The following PTPRT variants were observed in gnomAD, a reference collection of about 807,000 sequenced individuals.
PTPRT encodes receptor-type tyrosine-protein phosphatase T.
PTPRT carries 56 observed loss-of-function variants against 176.8 expected under a neutral mutation model. The observed-to-expected ratio is 0.32, with a 90% CI of 0.26 to 0.40. PTPRT has a LOEUF of 0.40. PTPRT is among the 10% of genes least tolerant of loss of function. PTPRT has a pLI of 1.00. For missense variants in PTPRT, 1,540 were observed against 1,908.2 expected, an observed-to-expected ratio of 0.81 and a Z score of 3.60; for synonymous variants, 783 against 739.0, an observed-to-expected ratio of 1.06 and a Z score of -0.96.
chr20:42,035,158 A>T, the PTPRT span, among the ~76,000 whole-genome samples: 1 of 152,148 alleles, frequency 6.6e-6, no homozygotes, highest in African/African-American at 2.4e-5. Context: ...ATTTTCATTC[A>T]TCATTTCCCC....
intron 8 of PTPRT, among the ~76,000 whole-genome samples, chr20:42,463,897 A>G (rs1367540703): frequency 6.6e-6 from 1 of 152,180 alleles, no homozygotes; most frequent in Non-Finnish European, 1.5e-5. Flanking sequence ...GAGAAAATAC[A>G]TTTGTTCCAG....
chr20:43,158,979 C>T lies in PTPRT; in HGVS notation c.88+30667G>A, dbSNP rs148706655. 3.3e-3 allele frequency among the ~76,000 whole-genome samples: 502 copies of T among 152,222 alleles called. 5 individuals are homozygous for T. The highest frequency in any genetic ancestry group is 0.011 in the African/African-American group (467 of 41,534). ...AATCAGCAAAATGACTGTTTTGTTG[C>T]CATTATTATTAGCATTTGACTTAAG... On this transcript the variant is annotated intron_variant, in intron 1 of 30. Coordinates refer to ENST00000373187, the MANE Select transcript of PTPRT (RefSeq NM_007050.6).
chr20:42,779,713 C>T (rs1254172159), intron 4 of PTPRT, among the ~76,000 whole-genome samples: 1 of 152,144 alleles, frequency 6.6e-6, no homozygotes, highest in Non-Finnish European at 1.5e-5. Context: ...AAGTACTAAC[C>T]ACTATGAGAA....
At chr20:43,041,453 A>G (rs184721341) in intron 1 of PTPRT, among the ~76,000 whole-genome samples, 24 of 152,364 alleles carry the variant, frequency 1.6e-4, no homozygotes, top group Admixed American at 1.5e-3. Context: ...CTCCATCTAC[A>G]TCACAGGACT....
chr20:42,274,186 G>T (rs1258164256), intron 13 of PTPRT, among the ~76,000 whole-genome samples: 5 of 152,240 alleles, frequency 3.3e-5, no homozygotes, highest in African/African-American at 9.6e-5. Context: ...TTGGGCTGTT[G>T]TCATGTGACT....
chr20:42,311,415 T>A (rs954488093), intron 12 of PTPRT, among the ~76,000 whole-genome samples: 1 of 152,200 alleles, frequency 6.6e-6, no homozygotes, highest in Admixed American at 6.5e-5. Flanking sequence ...AGAACAAAGA[T>A]GTCCAGACCT....
chr20:42,299,641 C>CTTTTTTTTTTTTT (rs34045854), intron 12 of PTPRT, among the ~76,000 whole-genome samples: 2 of 85,994 alleles, frequency 2.3e-5, no homozygotes, highest in African/African-American at 4.9e-5. Context: ...GAACTTTTGC[C>CTTTTTTTTTTTTT]TTTTTTTTTT....
rs559925938 is a variant in PTPRT at position 42,516,546 on chromosome 20, T to G, written c.1154-43984A>C. On this transcript the variant is annotated intron_variant, in intron 7 of 30. Coordinates refer to ENST00000373187, the MANE Select transcript of PTPRT (RefSeq NM_007050.6). ...AGACTATAACTTATGCACATTAATG[T>G]TGGTAGATTTTTAAACAGTTTACAT... Among the ~76,000 whole-genome samples, 7 of 152,294 alleles carry G rather than the reference T, an allele frequency of 4.6e-5. 1 individual carries two copies. In the South Asian group the frequency reaches 1.4e-3, roughly 32 times the overall value.
intron 4 of PTPRT, among the ~76,000 whole-genome samples, chr20:42,777,997 G>T (rs532676955): frequency 1.4e-3 from 217 of 152,122 alleles, no homozygotes; most frequent in Non-Finnish European, 2.6e-3. Flanking sequence ...CCAGGATCAC[G>T]CCTTCCTGAG....
chr20:43,080,901 C>T (rs944541865), intron 1 of PTPRT, among the ~76,000 whole-genome samples: 1 of 152,230 alleles, frequency 6.6e-6, no homozygotes, highest in African/African-American at 2.4e-5. Flanking sequence ...ACCACGGCAC[C>T]ATTCCATGAG....
intron 1 of PTPRT, among the ~76,000 whole-genome samples, chr20:42,927,570 A>G (rs908984191): frequency 6.6e-6 from 1 of 152,104 alleles, no homozygotes; most frequent in Non-Finnish European, 1.5e-5. Context: ...CAAAAAGAAG[A>G]AAGAAAAGCA....
intron 6 of PTPRT, among the ~76,000 whole-genome samples, chr20:42,717,208 AAT>A: frequency 6.6e-6 from 1 of 151,222 alleles, no homozygotes; most frequent in South Asian, 2.1e-4. Flanking sequence ...TAATAATAAT[AAT>A]AATAAAAGCA....
At position 42,611,774 on chromosome 20, in the gene PTPRT, C is replaced by T. The variant is rs1010134574; in HGVS notation, c.1153+66092G>A. On this transcript the variant is annotated intron_variant, in intron 7 of 30. Transcript: ENST00000373187. Reference sequence around the variant, plus strand: ...CAAGGGTGAGAGCCAGCCCAGACTGCCATGAAATAAACCAACATGCTTCTC... The same window carrying T: ...CAAGGGTGAGAGCCAGCCCAGACTGTCATGAAATAAACCAACATGCTTCTC... Among the ~76,000 whole-genome samples the T allele has an allele frequency of 2.6e-5, 4 of 152,180 alleles. No homozygotes were observed. In the South Asian group the frequency reaches 6.2e-4, roughly 24 times the overall value.
intron 7 of PTPRT, among the ~76,000 whole-genome samples, chr20:42,621,571 C>T (rs1362210514): frequency 6.6e-6 from 1 of 152,220 alleles, no homozygotes; most frequent in South Asian, 2.1e-4. Flanking sequence ...CCTCATCCTC[C>T]TTTAAATATG....
At chr20:42,873,003 A>G (rs975719097) in intron 2 of PTPRT, among the ~76,000 whole-genome samples, 1 of 152,210 alleles carries the variant, frequency 6.6e-6, no homozygotes. Context: ...CAGAACCACA[A>G]TAATAACCAC....
rs145758787 is a variant in PTPRT at position 42,573,956 on chromosome 20, G to A, written c.1154-101394C>T. Among the ~76,000 whole-genome samples, 1,407 of 151,998 alleles carry A rather than the reference G, an allele frequency of 9.3e-3. 15 individuals carry two copies. The highest frequency in any genetic ancestry group is 0.024 in the Middle Eastern group (7 of 294). On this transcript the variant is annotated intron_variant, in intron 7 of 30. Coordinates refer to ENST00000373187, the MANE Select transcript of PTPRT (RefSeq NM_007050.6). ...GTAGAGACGGGGTTTCACCATCTTGGCCAGGCTGGTCTTGAACTACTGACC... is the reference window on the plus strand; with the variant it reads ...GTAGAGACGGGGTTTCACCATCTTGACCAGGCTGGTCTTGAACTACTGACC...
chr20:42,072,008 A>G (rs149211325), downstream of PTPRT, among the ~76,000 whole-genome samples: 1 of 152,346 alleles, frequency 6.6e-6, no homozygotes, highest in Non-Finnish European at 1.5e-5. Context: ...GTCAAGAAGT[A>G]GAATCCCTGC....
rs139628833 is a variant in PTPRT at position 42,994,599 on chromosome 20, T to C, written c.89-108667A>G. Among the ~76,000 whole-genome samples the C allele has an allele frequency of 5.3e-3, 811 of 152,290 alleles. 10 individuals carry two copies. Among genetic ancestry groups the C allele is most frequent in the African/African-American group, 0.018 (768 of 41,546 alleles). Reference sequence around the variant, plus strand: ...CATCCCAACCAAAAAGCCACTGAAATGTTAGAGCTTATTGGTATTGCAGTA... The same window carrying C: ...CATCCCAACCAAAAAGCCACTGAAACGTTAGAGCTTATTGGTATTGCAGTA... On this transcript the variant is annotated intron_variant, in intron 1 of 30. Transcript: ENST00000373187.
At chr20:42,162,884 G>A (rs1043340272) in intron 16 of PTPRT, among the ~76,000 whole-genome samples, 3 of 152,182 alleles carry the variant, frequency 2.0e-5, no homozygotes, top group Middle Eastern at 3.2e-3. Flanking sequence ...CAGCAGCATC[G>A]GCAAGCCTGT....
Sources: gnomAD v4.1 joint callset for allele counts (sites outside exome capture counted in the v4.1 genomes callset) on GRCh38, gnomAD v4.1.1 for gene constraint, MANE v1.5 for transcripts, NCBI Gene and HGNC (gene_info 2026-07-23, HGNC 2026-07-21) for gene names.